FRYL: variants seen among roughly 807,000 people sequenced by gnomAD.
FRYL encodes the protein protein furry homolog-like.
Under a neutral mutation model 351.2 loss-of-function variants are expected in FRYL, and 150 were observed. That is an observed-to-expected ratio of 0.43 (90% CI 0.37 to 0.49). FRYL has a LOEUF of 0.49. Ranked by LOEUF, FRYL falls within the 20% of genes least tolerant of loss-of-function variation. The probability of loss-of-function intolerance (pLI) is 0.00; values close to 1 mark genes in which losing one functional copy is unlikely to be tolerated. For missense variants in FRYL, 3,036 were observed against 3,619.3 expected (o/e 0.84, Z 4.13); for synonymous variants, 1,153 against 1,257.1 (o/e 0.92, Z 1.75).
rs1297767193 is a variant in FRYL at position 48,565,574 on chromosome 4, T to A, written c.3287A>T (p.Asp1096Val). 6.8e-6 allele frequency: 11 copies of A among 1,611,938 alleles called. No homozygotes were observed. Among genetic ancestry groups the A allele is most frequent in the Non-Finnish European group, 9.3e-6 (11 of 1,179,540 alleles). The change falls in exon 29 of 64, where the codon GAT becomes GTT. Residue 1096 changes from aspartate (D) to valine (V), a missense_variant. By Grantham distance (152) the Asp-to-Val change is radical. This residue lies in a region of FRYL where 1,987 missense variants were observed against 2,311.7 expected (regional missense o/e 0.86). Coordinates refer to ENST00000358350, the MANE Select transcript of FRYL (RefSeq NM_015030.2). ...ATGTCTATTAATTTGCATATTTCTA[T>A]CACTGTATCTGTCCAAGGGCGTAAA... ...IMFTPLDRYS[D>V]RNMQINRHQY...
intron 31 of FRYL, among the ~76,000 whole-genome samples, chr4:48,563,516 G>T (rs558388503): frequency 5.3e-5 from 8 of 152,042 alleles, no homozygotes; most frequent in African/African-American, 1.7e-4. Flanking sequence ...GACCATCCTG[G>T]GCAACATACG....
intron 4 of FRYL, among the ~76,000 whole-genome samples, chr4:48,626,248 C>T (rs1012074054): frequency 6.6e-6 from 1 of 151,884 alleles, no homozygotes; most frequent in Non-Finnish European, 1.5e-5. Flanking sequence ...CTCTCTCTCT[C>T]TATGTGTGTG....
At chr4:48,566,775 T>C (rs1736896019) in intron 28 of FRYL, among the ~76,000 whole-genome samples, 1 of 152,252 alleles carries the variant, frequency 6.6e-6, no homozygotes, top group South Asian at 2.1e-4. Context: ...TATATTAATC[T>C]TCCTAGTATC....
intron 7 of FRYL, among the ~76,000 whole-genome samples, chr4:48,610,398 A>G (rs1747808409): frequency 1.3e-5 from 2 of 151,896 alleles, no homozygotes; most frequent in South Asian, 4.1e-4. Flanking sequence ...CCTCCACCAC[A>G]TATAATCACT....
intron 1 of FRYL, among the ~76,000 whole-genome samples, chr4:48,713,502 A>C (rs567342518): frequency 4.6e-5 from 7 of 152,272 alleles, no homozygotes; most frequent in South Asian, 4.1e-4. Context: ...TTTAAACCAA[A>C]AAAGATCAAA....
Position 48,582,621 on chromosome 4 carries a change from A to C in FRYL, c.1862T>G (p.Phe621Cys). The change falls in exon 20 of 64, where the codon TTT becomes TGT. Residue 621 changes from phenylalanine to cysteine, a missense_variant. By Grantham distance (205) the Phe-to-Cys change is radical. Transcript: ENST00000358350. ...REDVLSGFVY[F>C]IVREVTDVHP... is the part of the protein sequence containing the mutation. ...GACATCAGTCACTTCACGAACAATAAAATAAACAAATCCTGAAAGAACATC... is the reference window on the plus strand; with the variant it reads ...GACATCAGTCACTTCACGAACAATACAATAAACAAATCCTGAAAGAACATC... 1 of 1,614,050 alleles carries C rather than the reference A, an allele frequency of 6.2e-7. No individual in the cohort carries two copies.
intron 27 of FRYL, 103 bp downstream of exon 27, chr4:48,570,724 T>G (rs1473286128): frequency 1.3e-6 from 1 of 780,550 alleles, no homozygotes; most frequent in Non-Finnish European, 2.2e-6. Context: ...CAGGTTTTCT[T>G]GTTGCAATGG....
At chr4:48,585,364 T>C in intron 19 of FRYL, among the ~76,000 whole-genome samples, 1 of 152,108 alleles carries the variant, frequency 6.6e-6, no homozygotes, top group East Asian at 1.9e-4. Context: ...AGGCAACAGT[T>C]GAGGATAATG....
At chr4:48,500,792 G>A (rs1313602398) in intron 62 of FRYL, among the ~76,000 whole-genome samples, 3 of 152,110 alleles carry the variant, frequency 2.0e-5, no homozygotes, top group Non-Finnish European at 2.9e-5. Flanking sequence ...TAATAAAACT[G>A]TAACAATGTG....
intron 2 of FRYL, among the ~76,000 whole-genome samples, chr4:48,700,898 T>C (rs1008929756): frequency 7.2e-5 from 11 of 152,082 alleles, no homozygotes; most frequent in African/African-American, 2.7e-4. Context: ...CACTCTTACC[T>C]GTAAGTACTT....
At chr4:48,730,164 TGA>T (rs1419200954) in intron 1 of FRYL, among the ~76,000 whole-genome samples, 4 of 151,590 alleles carry the variant, frequency 2.6e-5, no homozygotes, top group African/African-American at 9.7e-5. Flanking sequence ...TGAAATAAAG[TGA>T]GAAGACAAAA....
chr4:48,655,177 G>T (rs1486326300), intron 3 of FRYL, among the ~76,000 whole-genome samples: 1 of 152,080 alleles, frequency 6.6e-6, no homozygotes, highest in Non-Finnish European at 1.5e-5. Flanking sequence ...TTTTGGAAGG[G>T]GTGGGGGTCA....
chr4:48,672,460 C>A (rs1276576285), intron 3 of FRYL, among the ~76,000 whole-genome samples: 1 of 152,132 alleles, frequency 6.6e-6, no homozygotes, highest in African/African-American at 2.4e-5. Context: ...CTCCGAAGAC[C>A]CTCTTAAGAA....
intron 2 of FRYL, among the ~76,000 whole-genome samples, chr4:48,699,112 G>T (rs941124192): frequency 6.6e-6 from 1 of 152,158 alleles, no homozygotes; most frequent in African/African-American, 2.4e-5. Context: ...GAACTGAAAA[G>T]TACTGTACCT....
At chr4:48,612,092 A>T (rs1425483407) in intron 7 of FRYL, among the ~76,000 whole-genome samples, 1 of 152,216 alleles carries the variant, frequency 6.6e-6, no homozygotes, top group South Asian at 2.1e-4. Context: ...TAACCATTAC[A>T]TTCCATTAGT....
At chr4:48,718,257 G>C (rs1252698596) in intron 1 of FRYL, among the ~76,000 whole-genome samples, 2 of 151,480 alleles carry the variant, frequency 1.3e-5, no homozygotes, top group Non-Finnish European at 2.9e-5. Flanking sequence ...AAAATGCTTT[G>C]TCTCTAAACA....
chr4:48,631,544 A>G (rs1222516460), intron 4 of FRYL, among the ~76,000 whole-genome samples: 1 of 151,970 alleles, frequency 6.6e-6, no homozygotes, highest in Non-Finnish European at 1.5e-5. Context: ...AAAACCCTCT[A>G]CTGAGTACCC....
chr4:48,533,953 A>G (rs1380126480), intron 49 of FRYL, among the ~76,000 whole-genome samples: 1 of 152,198 alleles, frequency 6.6e-6, no homozygotes, highest in Non-Finnish European at 1.5e-5. Flanking sequence ...GAGGCCAGGC[A>G]CGGTGGCTCA....
chr4:48,540,930 GT>G lies in FRYL; in HGVS notation c.5717del (p.Asn1906ThrfsTer15). On this transcript the variant is annotated frameshift_variant, in exon 46 of 64. Coordinates refer to ENST00000358350, the MANE Select transcript of FRYL (RefSeq NM_015030.2). LOFTEE classifies it high-confidence loss of function. ...TGCTTTTCCTGTTAGCTGCATACTT[GT>G]TTCCCATTATAGGATCATGATATGA... is the stretch of plus-strand genomic sequence containing the variant. Reference protein sequence around the residue: ...QTSYHDPIMGNKYAANRKSTG... With the variant: ...QTSYHDPIMGXKYAANRKSTG... 6.2e-7 allele frequency: 1 copy of G among 1,604,374 alleles called. No individual in the cohort carries two copies. The highest frequency in any genetic ancestry group is 8.5e-7 in the Non-Finnish European group (1 of 1,173,210).
Sources: allele counts gnomAD v4.1 joint callset (sites outside exome capture counted in the v4.1 genomes callset), GRCh38; gene constraint gnomAD v4.1.1; regional missense constraint gnomAD v4.1.1; transcripts MANE v1.5; gene names NCBI Gene and HGNC (gene_info 2026-07-23, HGNC 2026-07-21).